The following PLEKHH2 variants were observed in gnomAD, a reference collection of about 807,000 sequenced individuals.
PLEKHH2 encodes pleckstrin homology, MyTH4 and FERM domain containing H2.
PLEKHH2 carries 129 observed loss-of-function variants against 187.9 expected under a neutral mutation model. That is an observed-to-expected ratio of 0.69 (90% confidence interval 0.59 to 0.79). The LOEUF (loss-of-function observed/expected upper bound fraction) is 0.79. Ranked by LOEUF, PLEKHH2 falls within the 30% of genes least tolerant of loss-of-function variation. PLEKHH2 has a pLI of 0.00. For missense variants in PLEKHH2, 2,076 were observed against 1,751.2 expected, an observed-to-expected ratio of 1.19 and a Z score of -3.31; for synonymous variants, 686 against 605.6, an observed-to-expected ratio of 1.13 and a Z score of -1.95.
chr2:43,739,148 C>G (rs931816469), intron 20 of PLEKHH2, among the ~76,000 whole-genome samples: 2 of 152,172 alleles, frequency 1.3e-5, no homozygotes, highest in Non-Finnish European at 2.9e-5. Context: ...GCTCTGGCCT[C>G]CCAAAGTACT....
At chr2:43,680,308 G>A (rs142728085) in intron 3 of PLEKHH2, among the ~76,000 whole-genome samples, 74 of 152,240 alleles carry the variant, frequency 4.9e-4, no homozygotes, top group African/African-American at 1.7e-3. Context: ...AATAGTAAAT[G>A]TTTGAGGTGC....
chr2:43,697,932 C>T (rs574494049), intron 7 of PLEKHH2, among the ~76,000 whole-genome samples: 1 of 152,152 alleles, frequency 6.6e-6, no homozygotes, highest in Non-Finnish European at 1.5e-5. Flanking sequence ...TTCTACTCTT[C>T]TTCTTTTAGT....
chr2:43,687,494 C>G (rs1668578652), intron 3 of PLEKHH2, among the ~76,000 whole-genome samples: 1 of 152,142 alleles, frequency 6.6e-6, no homozygotes, highest in African/African-American at 2.4e-5. Flanking sequence ...GATTTATTTT[C>G]CTTTGACTAT....
chr2:43,740,758 T>C, intron 20 of PLEKHH2, 188 bp from the exon 21 acceptor site: 1 of 1,077,976 alleles, frequency 9.3e-7, no homozygotes, highest in African/African-American at 1.6e-5. Flanking sequence ...AGATGGATCA[T>C]AGATCTGACC....
At chr2:43,703,327 A>G (rs922192743) in intron 8 of PLEKHH2, among the ~76,000 whole-genome samples, 2 of 152,252 alleles carry the variant, frequency 1.3e-5, no homozygotes, top group African/African-American at 2.4e-5. Flanking sequence ...TTTTCAGAAG[A>G]GAAGAGAAAA....
chr2:43,681,787 G>C (rs1668205366), intron 3 of PLEKHH2, among the ~76,000 whole-genome samples: 1 of 152,064 alleles, frequency 6.6e-6, no homozygotes, highest in African/African-American at 2.4e-5. Flanking sequence ...CTCCCCACCA[G>C]GCCCCATCAC....
At chr2:43,654,583 T>A (rs62138785) in intron 2 of PLEKHH2, among the ~76,000 whole-genome samples, 9 of 132,860 alleles carry the variant, frequency 6.8e-5, no homozygotes, top group Admixed American at 1.5e-4. Context: ...TTTTTTTTTT[T>A]AATGGCCAGC....
chr2:43,650,893 C>G (rs1666436026), intron 2 of PLEKHH2, among the ~76,000 whole-genome samples: 1 of 151,994 alleles, frequency 6.6e-6, no homozygotes, highest in African/African-American at 2.4e-5. Flanking sequence ...GATCTGCCCA[C>G]CTTGGGCTCC....
intron 2 of PLEKHH2, among the ~76,000 whole-genome samples, chr2:43,653,478 T>C (rs781286390): frequency 1.1e-4 from 16 of 152,238 alleles, no homozygotes; most frequent in Admixed American, 2.6e-4. Context: ...TAAAGATATT[T>C]TGAAGACATT....
At position 43,766,072 on chromosome 2, in the gene PLEKHH2, C is replaced by G. The variant is rs1374964523; in HGVS notation, c.*474C>G. The G allele has an allele frequency of 6.5e-6, 1 of 154,130 alleles. No individual in the cohort carries two copies. Among genetic ancestry groups the G allele is most frequent in the Non-Finnish European group, 1.4e-5 (1 of 69,298 alleles). 9.5% of individuals were successfully genotyped at this position (154,130 alleles called of 1,614,324 possible). On this transcript the variant is annotated 3_prime_UTR_variant, in exon 30 of 30. Coordinates refer to ENST00000282406, the MANE Select transcript of PLEKHH2 (RefSeq NM_172069.4). ...ATATAGTGTTTGGAAAGGAGTAGAA[C>G]ATGCAGCATAAGAAACTGCTGCAGA...
At chr2:43,741,578 C>G (rs1671562435) in intron 21 of PLEKHH2, among the ~76,000 whole-genome samples, 1 of 152,198 alleles carries the variant, frequency 6.6e-6, no homozygotes, top group Non-Finnish European at 1.5e-5. Context: ...ATTTTGTCCA[C>G]CAAGAGGTTT....
At position 43,757,137 on chromosome 2, in the gene PLEKHH2, G is replaced by C. The variant is rs776846319; in HGVS notation, c.3814G>C (p.Glu1272Gln). The change falls in exon 26 of 30, where the codon GAA becomes CAA. Residue 1272 changes from glutamate (E) to glutamine (Q), a missense_variant. Transcript: ENST00000282406. ...LLSQVEIGDF[E>Q]RPFSTPAGHV... ...CAATTAGGTAGAGATTGGAGATTTT[G>C]AAAGACCTTTCTCAACTCCAGCAGG... 6.3e-7 allele frequency: 1 copy of C among 1,581,204 alleles called. No individual in the cohort carries two copies. The highest frequency in any genetic ancestry group is 8.6e-7 in the Non-Finnish European group (1 of 1,167,904).
Position 43,666,246 on chromosome 2 carries a change from TC to T in PLEKHH2, c.124-12615del, listed in dbSNP as rs1434042122. Among the ~76,000 whole-genome samples, 15 of 150,978 alleles carry T rather than the reference TC, an allele frequency of 9.9e-5. 1 individual carries two copies. Among genetic ancestry groups the T allele is most frequent in the African/African-American group, 3.7e-4 (15 of 40,402 alleles). Reference sequence around the variant, plus strand: ...GGAGTGACCCGATTTTCCAGGTGCATCCGTCACCCCTTTCTTTGACTCGGAA... The same window carrying T: ...GGAGTGACCCGATTTTCCAGGTGCATCGTCACCCCTTTCTTTGACTCGGAA... On this transcript the variant is annotated intron_variant, in intron 2 of 29. Transcript: ENST00000282406.
At chr2:43,735,146 T>C (rs1197032206) in intron 19 of PLEKHH2, among the ~76,000 whole-genome samples, 1 of 151,972 alleles carries the variant, frequency 6.6e-6, no homozygotes, top group Non-Finnish European at 1.5e-5. Context: ...GCCGAGAGTG[T>C]GCCACTGCAC....
chr2:43,758,760 C>G, intron 26 of PLEKHH2, 140 bp from the exon 27 acceptor site: 1 of 636,586 alleles, frequency 1.6e-6, no homozygotes. Context: ...ATGAGAGTCA[C>G]AAAATCTTTA....
intron 2 of PLEKHH2, among the ~76,000 whole-genome samples, chr2:43,656,826 T>C (rs1159724506): frequency 6.6e-6 from 1 of 152,210 alleles, no homozygotes; most frequent in Admixed American, 6.5e-5. Context: ...GAGACCAGCC[T>C]GGCCAACATG....
chr2:43,728,477 CAAAA>C (rs1042037842), intron 17 of PLEKHH2, among the ~76,000 whole-genome samples: 1 of 56,046 alleles, frequency 1.8e-5, no homozygotes, highest in Non-Finnish European at 3.6e-5. Flanking sequence ...GACTCTGTCT[CAAAA>C]AAAAAAAAAA....
At chr2:43,669,352 G>T (rs552959506) in intron 2 of PLEKHH2, among the ~76,000 whole-genome samples, 3 of 152,284 alleles carry the variant, frequency 2.0e-5, no homozygotes, top group Admixed American at 6.5e-5. Flanking sequence ...GTTTTTTTAG[G>T]GGGAGGGTGA....
intron 14 of PLEKHH2, 36 bp downstream of exon 14, chr2:43,710,611 A>G (rs772599041): frequency 5.0e-5 from 31 of 619,484 alleles, no homozygotes; most frequent in South Asian, 1.1e-4. Flanking sequence ...TTTTTTTTGT[A>G]TCATGCCAGA....
Sources: gnomAD v4.1 joint callset for allele counts (sites outside exome capture counted in the v4.1 genomes callset) on GRCh38, gnomAD v4.1.1 for gene constraint, MANE v1.5 for transcripts, NCBI Gene and HGNC (gene_info 2026-07-23, HGNC 2026-07-21) for gene names.